The following TEX10 variants were observed in gnomAD, a reference collection of about 807,000 sequenced individuals.
TEX10 encodes the protein testis expressed 10.
A neutral mutation model predicts 104.4 loss-of-function variants in TEX10; 24 were observed. The ratio of observed to expected loss-of-function variants is 0.23; its 90% CI spans 0.17 to 0.32. The LOEUF is 0.32. Among genes scored for constraint, TEX10 ranks in the 10% least tolerant of loss-of-function variants. The pLI is 1.00. For synonymous variants in TEX10, 396 were observed against 393.4 expected (o/e 1.01, Z -0.08); for missense variants, 921 against 1,083.9 (o/e 0.85, Z 2.11).
chr9:100,311,381 CAG>C (rs1491276150), intron 11 of TEX10, among the ~76,000 whole-genome samples: 1 of 152,158 alleles, frequency 6.6e-6, no homozygotes, highest in Non-Finnish European at 1.5e-5. Flanking sequence ...GCCTGGATGA[CAG>C]AGTGAGACAC....
At chr9:100,343,132 G>T (rs188231911) in intron 4 of TEX10, among the ~76,000 whole-genome samples, 1 of 149,540 alleles carries the variant, frequency 6.7e-6, no homozygotes, top group African/African-American at 2.5e-5. Context: ...GTGAGACTCC[G>T]TCTCCAAAAA....
In TEX10 at chr9:100,329,937, T is replaced by G; in HGVS notation, c.1483A>C (p.Asn495His). ...VSWRLMQIQP[N>H]REDTETLIKA... ...GCAAAGTAGCATCACCTACCTCTGT[T>G]TGGCTGTATTTGCATTAACCTCCAG... Residue 495 changes from asparagine (N) to histidine (H), a missense_variant, in exon 6 of 15, where the codon AAC becomes CAC. This residue lies in a region of TEX10 where 753 missense variants were observed against 868.4 expected (regional missense o/e 0.87). Transcript: ENST00000374902. 2 of 1,609,416 alleles carry G rather than the reference T, an allele frequency of 1.2e-6. No individual in the cohort carries two copies. Among genetic ancestry groups the G allele is most frequent in the Non-Finnish European group, 1.7e-6 (2 of 1,176,938 alleles).
chr9:100,334,277 A>G (rs1338206184), intron 5 of TEX10, among the ~76,000 whole-genome samples: 3 of 152,158 alleles, frequency 2.0e-5, no homozygotes, highest in Non-Finnish European at 2.9e-5. Context: ...AAAAACACAG[A>G]TAACTCTTAA....
At chr9:100,341,833 G>A (rs1835182152) in intron 4 of TEX10, among the ~76,000 whole-genome samples, 1 of 152,228 alleles carries the variant, frequency 6.6e-6, no homozygotes, top group Non-Finnish European at 1.5e-5. Context: ...GCTAGAGTTA[G>A]ACTGTGAGCA....
intron 3 of TEX10, 114 bp downstream of exon 3, chr9:100,346,580 C>T: frequency 8.6e-7 from 1 of 1,167,072 alleles, no homozygotes; most frequent in Non-Finnish European, 1.2e-6. Context: ...TCATGAGTAA[C>T]TATATGAAAA....
chr9:100,352,342 C>G, intron 1 of TEX10: 1 of 1,550,482 alleles, frequency 6.4e-7, no homozygotes, highest in Non-Finnish European at 8.7e-7. Flanking sequence ...GCCTGGGCGA[C>G]CAGAGGACGG....
At chr9:100,316,909 A>AAC (rs1241681595) in intron 11 of TEX10, among the ~76,000 whole-genome samples, 25 of 149,924 alleles carry the variant, frequency 1.7e-4, no homozygotes, top group Admixed American at 9.3e-4. Flanking sequence ...AAAAAAAAAA[A>AAC]AAAAAAACCT....
intron 1 of TEX10, among the ~76,000 whole-genome samples, chr9:100,350,744 C>T (rs1390380897): frequency 6.6e-6 from 1 of 152,142 alleles, no homozygotes; most frequent in Non-Finnish European, 1.5e-5. Context: ...ATGGCCAGTG[C>T]AATACTGAAC....
At chr9:100,350,089 A>G in intron 1 of TEX10, among the ~76,000 whole-genome samples, 1 of 152,222 alleles carries the variant, frequency 6.6e-6, no homozygotes. Flanking sequence ...AACAAAGACC[A>G]GCTAAGCCAC....
chr9:100,306,375 A>G (rs1213311079), intron 13 of TEX10: 3 of 152,238 alleles, frequency 2.0e-5, no homozygotes, highest in Non-Finnish European at 1.5e-5. Context: ...ACACATCCTG[A>G]TCTGCAACAC....
chr9:100,310,659 A>C (rs1344500582), intron 11 of TEX10, among the ~76,000 whole-genome samples: 1 of 152,106 alleles, frequency 6.6e-6, no homozygotes, highest in Non-Finnish European at 1.5e-5. Context: ...GCTTGTCTTA[A>C]ACTCCTGGAT....
At chr9:100,349,460 CATTT>C (rs1295122924) in intron 1 of TEX10, 88 bp from the exon 2 acceptor site, 19 of 730,412 alleles carry the variant, frequency 2.6e-5, no homozygotes, top group South Asian at 7.4e-5. Flanking sequence ...ACTACTGTAA[CATTT>C]ATTTCAATCG....
chr9:100,347,601 A>G (rs969791409), intron 2 of TEX10, among the ~76,000 whole-genome samples, 195 bp from the exon 3 acceptor site: 2 of 152,232 alleles, frequency 1.3e-5, no homozygotes, highest in African/African-American at 2.4e-5. Context: ...AAAACATTGC[A>G]TAATTTTCAG....
chr9:100,324,510 A>C (rs1588173783), intron 9 of TEX10, among the ~76,000 whole-genome samples: 1 of 152,218 alleles, frequency 6.6e-6, no homozygotes, highest in East Asian at 1.9e-4. Context: ...AGCAAAATTT[A>C]ATTTGGTAGA....
chr9:100,323,027 G>C (rs1235075168), intron 9 of TEX10, among the ~76,000 whole-genome samples: 1 of 152,080 alleles, frequency 6.6e-6, no homozygotes, highest in Non-Finnish European at 1.5e-5. Flanking sequence ...CATGCTAAGG[G>C]GGTTATAAAA....
intron 11 of TEX10, among the ~76,000 whole-genome samples, chr9:100,313,462 C>T (rs1053110526): frequency 5.4e-5 from 8 of 147,860 alleles, no homozygotes; most frequent in Non-Finnish European, 1.2e-4. Flanking sequence ...TTGCAGTGAG[C>T]AGAGATCGTG....
Position 100,340,241 on chromosome 9 carries a change from A to C in TEX10, c.1250+16T>G. On this transcript the variant is annotated intron_variant, in intron 5 of 14. Coordinates refer to ENST00000374902, the MANE Select transcript of TEX10 (RefSeq NM_017746.4). Reference sequence around the variant, plus strand: ...ACAGCTTTTCAAGGTTATACAGTGAAAAAGAATCATAATACCTTTTATTTG... The same window carrying C: ...ACAGCTTTTCAAGGTTATACAGTGACAAAGAATCATAATACCTTTTATTTG... The C allele has an allele frequency of 6.7e-7, 1 of 1,492,182 alleles. No homozygotes were observed. Among genetic ancestry groups the C allele is most frequent in the African/African-American group, 1.4e-5 (1 of 69,178 alleles). The allele number at this position is 1,492,182 out of a possible 1,614,324, so 92.4% of individuals were successfully genotyped here. A position where few individuals can be genotyped will look rare whatever the true frequency, so the allele number is the denominator to read the frequency against.
intron 11 of TEX10, among the ~76,000 whole-genome samples, chr9:100,314,489 A>C (rs1834363892): frequency 6.6e-6 from 1 of 152,084 alleles, no homozygotes; most frequent in African/African-American, 2.4e-5. Context: ...TGTTTCCAGG[A>C]ATTTATCCAT....
intron 4 of TEX10, among the ~76,000 whole-genome samples, chr9:100,341,117 T>C (rs7025891): frequency 0.63 from 95,995 of 152,066 alleles, 32,247 homozygotes; most frequent in East Asian, 0.89. Flanking sequence ...CAGGTGCCCA[T>C]TACCACGCTC....
Sources: gnomAD v4.1 joint callset for allele counts (sites outside exome capture counted in the v4.1 genomes callset) on GRCh38, gnomAD v4.1.1 for gene constraint, gnomAD v4.1.1 regional missense constraint, MANE v1.5 for transcripts, NCBI Gene and HGNC (gene_info 2026-07-23, HGNC 2026-07-21) for gene names.